The following NFATC2 variants were observed in gnomAD, a reference collection of about 807,000 sequenced individuals.
NFATC2 encodes nuclear factor of activated T cells 2, also known as nuclear factor of activated T-cells, cytoplasmic 2.
A neutral mutation model predicts 87.3 loss-of-function variants in NFATC2; 22 were observed. That is an observed-to-expected ratio of 0.25 (90% confidence interval 0.18 to 0.36). NFATC2 has a LOEUF of 0.36. Ranked by LOEUF, NFATC2 falls within the 10% of genes least tolerant of loss-of-function variation. NFATC2 has a pLI of 1.00. For missense variants in NFATC2, 1,149 were observed against 1,259.1 expected, an observed-to-expected ratio of 0.91 and a Z score of 1.32; for synonymous variants, 565 against 542.2, an observed-to-expected ratio of 1.04 and a Z score of -0.58.
chr20:51,502,562 C>T (rs186542981), intron 3 of NFATC2, among the ~76,000 whole-genome samples: 1 of 152,284 alleles, frequency 6.6e-6, no homozygotes, highest in Non-Finnish European at 1.5e-5. Flanking sequence ...TCTCGAACTC[C>T]TGGCCTCAAG....
At position 51,549,527 on chromosome 20, in the gene NFATC2, G is replaced by C. The variant is rs180820848; in HGVS notation, c.70+13033C>G. On this transcript the variant is annotated intron_variant, in intron 1 of 10. Coordinates refer to the NFATC2 transcript ENST00000414705. Reference sequence around the variant, plus strand: ...TCCTGCTGAAGGTCAATGGCATGAAGACATAAATGTCTGACCAAGCCTGGA... The same window carrying C: ...TCCTGCTGAAGGTCAATGGCATGAACACATAAATGTCTGACCAAGCCTGGA... Among the ~76,000 whole-genome samples the C allele has an allele frequency of 3.3e-5, 5 of 152,344 alleles. No individual in the cohort carries two copies. The East Asian group carries it at 9.6e-4, about 29-fold the overall frequency.
chr20:51,536,477 T>A (rs2076721936), intron 1 of NFATC2, among the ~76,000 whole-genome samples: 1 of 152,200 alleles, frequency 6.6e-6, no homozygotes, highest in African/African-American at 2.4e-5. Context: ...CAGCCAGGAC[T>A]GAGAGCCCCT....
rs570966253 is a variant in NFATC2 at position 51,427,479 on chromosome 20, G to A, written c.2722+4588C>T. ...ACAGGGCCTGCGGGGCACACTCCCT[G>A]TGAAATGCACCGCCTTCCATCATGC... On this transcript the variant is annotated intron_variant, in intron 9 of 10. Coordinates refer to ENST00000371564, the MANE Select transcript of NFATC2 (RefSeq NM_012340.5). Among the ~76,000 whole-genome samples, 4 of 152,300 alleles carry A rather than the reference G, an allele frequency of 2.6e-5. No individual in the cohort carries two copies. In the South Asian group the frequency reaches 8.3e-4, roughly 32 times the overall value.
chr20:51,496,816 G>A (rs921866056), intron 3 of NFATC2, among the ~76,000 whole-genome samples: 10 of 152,062 alleles, frequency 6.6e-5, no homozygotes, highest in East Asian at 1.9e-4. Flanking sequence ...TTATTTTCCC[G>A]TCTGTTTCTC....
intron 1 of NFATC2, among the ~76,000 whole-genome samples, chr20:51,539,908 G>A (rs1465867578): frequency 6.6e-6 from 1 of 152,126 alleles, no homozygotes; most frequent in Admixed American, 6.5e-5. Flanking sequence ...CTTAAGTGTG[G>A]GCTTCATGTA....
chr20:51,494,901 C>A (rs537567679), intron 3 of NFATC2, among the ~76,000 whole-genome samples: 1 of 152,090 alleles, frequency 6.6e-6, no homozygotes, highest in African/African-American at 2.4e-5. Context: ...CTGTCCTGAA[C>A]GTGACTGCCA....
chr20:51,512,624 G>A (rs550039086), intron 3 of NFATC2, among the ~76,000 whole-genome samples: 2 of 152,164 alleles, frequency 1.3e-5, no homozygotes, highest in African/African-American at 2.4e-5. Context: ...CATGGCATAT[G>A]TTTAAGATTT....
intron 3 of NFATC2, among the ~76,000 whole-genome samples, chr20:51,492,592 G>A (rs2075912239): frequency 6.6e-6 from 1 of 152,258 alleles, no homozygotes; most frequent in South Asian, 2.1e-4. Context: ...CAAGATAAGG[G>A]GACTGTGCGG....
rs565872658 is a variant in NFATC2, at chr20:51,415,876, C to T, written c.2722+16191G>A. ...CAGTCTCACAGGAGGAAAAACTGAC[C>T]CTGGTCTGGAACAATCCTGCACCAA... On this transcript the variant is annotated intron_variant, in intron 9 of 10. Transcript: ENST00000371564. 5.9e-5 allele frequency among the ~76,000 whole-genome samples: 9 copies of T among 152,186 alleles called. No homozygotes were observed. In the South Asian group the frequency reaches 1.5e-3, roughly 25 times the overall value.
At chr20:51,426,767 TGTA>T (rs1981895827) in intron 9 of NFATC2, among the ~76,000 whole-genome samples, 1 of 152,120 alleles carries the variant, frequency 6.6e-6, no homozygotes, top group Non-Finnish European at 1.5e-5. Context: ...TGGTCACTTT[TGTA>T]GAAGGGAAAG....
At chr20:51,462,807 A>T (rs1987294282) in intron 5 of NFATC2, among the ~76,000 whole-genome samples, 1 of 152,190 alleles carries the variant, frequency 6.6e-6, no homozygotes, top group African/African-American at 2.4e-5. Context: ...CTCCCGTTTT[A>T]GAGTAGAAGA....
At position 51,435,768 on chromosome 20, in the gene NFATC2, A is replaced by T. The variant is rs1983471267; in HGVS notation, c.1850-7T>A. On this transcript the variant is annotated splice_polypyrimidine_tract_variant and splice_region_variant and intron_variant, in intron 6 of 10. Coordinates refer to ENST00000371564, the MANE Select transcript of NFATC2 (RefSeq NM_012340.5). ...TCCCAAATTTGCTGTCCATCTAGAA[A>T]AATTCAAAAATGACAGACTTTGAAG... 1 of 1,595,030 alleles carries T rather than the reference A, an allele frequency of 6.3e-7. No individual in the cohort carries two copies. The highest frequency in any genetic ancestry group is 1.3e-5 in the African/African-American group (1 of 74,734).
At chr20:51,512,957 C>T (rs1237503433) in intron 3 of NFATC2, among the ~76,000 whole-genome samples, 1 of 152,206 alleles carries the variant, frequency 6.6e-6, no homozygotes, top group East Asian at 1.9e-4. Flanking sequence ...AGTTTTCACA[C>T]TCCCTTGAAG....
upstream of NFATC2, among the ~76,000 whole-genome samples, chr20:51,543,399 G>C (rs1170159235): frequency 1.3e-5 from 2 of 152,246 alleles, no homozygotes; most frequent in African/African-American, 2.4e-5. Context: ...GAACTCACCA[G>C]GGTATGGGAT....
chr20:51,524,256 C>A lies in NFATC2; in HGVS notation c.131-146G>T. On this transcript the variant is annotated intron_variant, in intron 1 of 10. Transcript: ENST00000371564. This position sits in a 1 kb window ranked among gnomAD's most constrained non-coding sequence, Gnocchi z 4.0. The stretch of plus-strand genomic sequence containing the variant: ...CAAACCCCAAGCTAGAAGCTCCGTC[C>A]CTCACCAGAAGAAAACTGAGGCCAC... 1 of 720,904 alleles carries A rather than the reference C, an allele frequency of 1.4e-6. No individual in the cohort carries two copies. Among genetic ancestry groups the A allele is most frequent in the Non-Finnish European group, 2.0e-6 (1 of 505,668 alleles). 44.7% of individuals were successfully genotyped at this position (720,904 alleles called of 1,614,324 possible).
At chr20:51,409,136 G>T (rs1226034740) in intron 9 of NFATC2, among the ~76,000 whole-genome samples, 3 of 152,246 alleles carry the variant, frequency 2.0e-5, no homozygotes, top group Non-Finnish European at 4.4e-5. Context: ...TGATGGGAGT[G>T]TAAACTGGTA....
chr20:51,541,393 C>A (rs2076814149), intron 1 of NFATC2, among the ~76,000 whole-genome samples: 1 of 152,182 alleles, frequency 6.6e-6, no homozygotes, highest in South Asian at 2.1e-4. Context: ...TTTTCCAAGA[C>A]AACCTGCTAA....
intron 3 of NFATC2, among the ~76,000 whole-genome samples, chr20:51,492,557 T>C (rs2075911281): frequency 6.6e-6 from 1 of 152,216 alleles, no homozygotes; most frequent in Non-Finnish European, 1.5e-5. Flanking sequence ...GTGCTTCCCT[T>C]TTCCGGCCGA....
At chr20:51,488,846 C>A (rs1052388321) in intron 3 of NFATC2, among the ~76,000 whole-genome samples, 1 of 152,170 alleles carries the variant, frequency 6.6e-6, no homozygotes, top group African/African-American at 2.4e-5. Context: ...CAAATGAGAT[C>A]CTATCACTTC....
Sources: gnomAD v4.1 joint callset for allele counts (sites outside exome capture counted in the v4.1 genomes callset) on GRCh38, gnomAD v4.1.1 for gene constraint, Gnocchi (gnomAD v3.1) non-coding constraint, MANE v1.5 for transcripts, NCBI Gene and HGNC (gene_info 2026-07-23, HGNC 2026-07-21) for gene names.